Variants in RCAN1 observed in about 807,000 individuals in gnomAD.
The protein encoded by RCAN1 is calcipressin-1.
RCAN1 carries 11 observed loss-of-function variants against 22.9 expected under a neutral mutation model. The ratio of observed to expected loss-of-function variants is 0.48; its 90% CI spans 0.30 to 0.79. The LOEUF (loss-of-function observed/expected upper bound fraction) is 0.79, where lower values mean the gene tolerates loss of function less well. Among genes scored for constraint, RCAN1 ranks in the 30% least tolerant of loss-of-function variants. The pLI, the probability that RCAN1 is intolerant of heterozygous loss-of-function variation, is 0.06. For missense variants in RCAN1, 291 were observed against 337.8 expected (o/e 0.86, Z 1.09); for synonymous variants, 136 against 142.3 (o/e 0.96, Z 0.32).
chr21:34,519,277 G>A (rs1188022480), intron 3 of RCAN1, among the ~76,000 whole-genome samples: 2 of 152,182 alleles, frequency 1.3e-5, no homozygotes, highest in Non-Finnish European at 2.9e-5. Flanking sequence ...TCTGAAATAG[G>A]GGCAGGAGGT....
At chr21:34,545,764 A>C (rs147416305) in intron 1 of RCAN1, among the ~76,000 whole-genome samples, 44 of 152,266 alleles carry the variant, frequency 2.9e-4, no homozygotes, top group African/African-American at 1.0e-3. Context: ...TGCTGCAACC[A>C]CAAAGTCTCG....
chr21:34,523,483 C>A (rs1984758479), intron 2 of RCAN1, 54 bp downstream of exon 2: 1 of 1,578,134 alleles, frequency 6.3e-7, no homozygotes. Flanking sequence ...AGCTGCTTTA[C>A]AAAAGGGAGG....
At chr21:34,613,047 G>C (rs975407008) in intron 1 of RCAN1, among the ~76,000 whole-genome samples, 4 of 152,220 alleles carry the variant, frequency 2.6e-5, no homozygotes, top group African/African-American at 9.6e-5. Flanking sequence ...AAAGCAAGGA[G>C]CTTGAAATGT....
At chr21:34,533,056 G>C (rs1044257506) in intron 1 of RCAN1, among the ~76,000 whole-genome samples, 2 of 151,358 alleles carry the variant, frequency 1.3e-5, no homozygotes, top group Admixed American at 1.3e-4. Flanking sequence ...CGCCTCCCGG[G>C]TTCACGCCAT....
At chr21:34,552,203 ATGT>A (rs1157381118) in intron 1 of RCAN1, among the ~76,000 whole-genome samples, 4 of 152,126 alleles carry the variant, frequency 2.6e-5, no homozygotes, top group Non-Finnish European at 4.4e-5. Flanking sequence ...AACTCTACAG[ATGT>A]TGTTTGGTAT....
Position 34,518,064 on chromosome 21 carries a change from C to T in RCAN1, c.*20G>A, listed in dbSNP as rs73367105. 880 of 1,612,832 alleles carry T rather than the reference C, an allele frequency of 5.5e-4. 4 individuals carry two copies. The African/African-American group carries it at 9.4e-3, about 17-fold the overall frequency. Reference sequence around the variant, plus strand: ...CCTCCCGTGAGTATGATTTGGAATGCGTCCTCGTCGCGTGCCAGTTCAGCT... The same window carrying T: ...CCTCCCGTGAGTATGATTTGGAATGTGTCCTCGTCGCGTGCCAGTTCAGCT... On this transcript the variant is annotated 3_prime_UTR_variant, in exon 4 of 4. Coordinates refer to ENST00000313806, the MANE Select transcript of RCAN1 (RefSeq NM_004414.7). This position sits in a 1 kb window ranked among gnomAD's most constrained non-coding sequence, Gnocchi z 4.2.
At chr21:34,553,931 A>C (rs1431502046) in intron 1 of RCAN1, among the ~76,000 whole-genome samples, 7 of 152,210 alleles carry the variant, frequency 4.6e-5, no homozygotes. Context: ...ATGTCATTAC[A>C]CCTTACTCAA....
At position 34,518,540 on chromosome 21, in the gene RCAN1, C is replaced by T. The variant is rs1337733698; in HGVS notation, c.587-284G>A. Among the ~76,000 whole-genome samples, 1 of 152,226 alleles carries T rather than the reference C, an allele frequency of 6.6e-6. No individual in the cohort carries two copies. The highest frequency in any genetic ancestry group is 1.5e-5 in the Non-Finnish European group (1 of 68,048). On this transcript the variant is annotated intron_variant, in intron 3 of 3. Coordinates refer to ENST00000313806, the MANE Select transcript of RCAN1 (RefSeq NM_004414.7). The surrounding 1 kb of genome is among the most constrained non-coding windows in gnomAD (Gnocchi z 4.2). Reference sequence around the variant, plus strand: ...ATTTTTCTAGTTATACTTCACATGTCCACCAGATATCTAAACTACCCAGAG... The same window carrying T: ...ATTTTTCTAGTTATACTTCACATGTTCACCAGATATCTAAACTACCCAGAG...
intron 1 of RCAN1, among the ~76,000 whole-genome samples, chr21:34,608,669 G>A (rs573255061): frequency 6.6e-6 from 1 of 152,212 alleles, no homozygotes; most frequent in Admixed American, 6.5e-5. Context: ...CACAGACACT[G>A]TGACATAATT....
intron 1 of RCAN1, among the ~76,000 whole-genome samples, chr21:34,528,615 G>C (rs1985204955): frequency 6.6e-6 from 1 of 152,158 alleles, no homozygotes; most frequent in African/African-American, 2.4e-5. Context: ...GAGAGGCTAA[G>C]GGGAAACAGA....
intron 1 of RCAN1, among the ~76,000 whole-genome samples, chr21:34,568,227 C>A (rs946277381): frequency 6.6e-6 from 1 of 152,174 alleles, no homozygotes; most frequent in African/African-American, 2.4e-5. Context: ...CCCCTACAAT[C>A]GGAATTCAGC....
intron 1 of RCAN1, among the ~76,000 whole-genome samples, chr21:34,566,838 G>A (rs1219460403): frequency 6.6e-6 from 1 of 152,148 alleles, no homozygotes; most frequent in Non-Finnish European, 1.5e-5. Flanking sequence ...GAAAGAGCGA[G>A]AGAGGAGGAG....
At chr21:34,540,351 C>A (rs1472107716) in intron 1 of RCAN1, among the ~76,000 whole-genome samples, 1 of 152,116 alleles carries the variant, frequency 6.6e-6, no homozygotes, top group East Asian at 1.9e-4. Flanking sequence ...GTGCTGCCTA[C>A]GTATTGTTCA....
intron 1 of RCAN1, chr21:34,559,638 C>CTGACTGA (rs1028119696): frequency 6.6e-6 from 1 of 152,124 alleles, no homozygotes; most frequent in Non-Finnish European, 1.5e-5. Context: ...TATGCAGGTT[C>CTGACTGA]TGACTGATAA....
chr21:34,535,009 G>T (rs1489433151), intron 1 of RCAN1, among the ~76,000 whole-genome samples: 2 of 152,206 alleles, frequency 1.3e-5, no homozygotes, highest in Non-Finnish European at 2.9e-5. Context: ...TTGGATGCAT[G>T]TCCACCTTAA....
chr21:34,521,163 A>T, intron 3 of RCAN1: 1 of 1,357,634 alleles, frequency 7.4e-7, no homozygotes, highest in Non-Finnish European at 9.4e-7. Context: ...ACTCATCCCT[A>T]TCCGGAGCGA....
At chr21:34,533,086 G>A (rs983625475) in intron 1 of RCAN1, among the ~76,000 whole-genome samples, 16 of 150,394 alleles carry the variant, frequency 1.1e-4, no homozygotes, top group South Asian at 4.2e-4. Context: ...TCAGCCTCCC[G>A]AGTAGCTGGG....
At chr21:34,551,884 C>T (rs1265070357) in intron 1 of RCAN1, among the ~76,000 whole-genome samples, 1 of 152,164 alleles carries the variant, frequency 6.6e-6, no homozygotes, top group Non-Finnish European at 1.5e-5. Context: ...ACCTTCCTTG[C>T]TCAGAAAGTG....
intron 1 of RCAN1, among the ~76,000 whole-genome samples, chr21:34,529,013 G>A (rs1985233960): frequency 6.6e-6 from 1 of 151,220 alleles, no homozygotes; most frequent in Non-Finnish European, 1.5e-5. Flanking sequence ...TTTGCTCATA[G>A]AAATGATAAA....
Sources: gnomAD v4.1 joint callset for allele counts (sites outside exome capture counted in the v4.1 genomes callset) on GRCh38, gnomAD v4.1.1 for gene constraint, Gnocchi (gnomAD v3.1) non-coding constraint, MANE v1.5 for transcripts, NCBI Gene and HGNC (gene_info 2026-07-23, HGNC 2026-07-21) for gene names.